The following ELF1 variants were observed in gnomAD, a reference collection of about 807,000 sequenced individuals.
ELF1 encodes the protein E74 like ETS transcription factor 1.
Under a neutral mutation model 59.9 loss-of-function variants are expected in ELF1, and 24 were observed. The observed-to-expected ratio is 0.40, with a 90% CI of 0.29 to 0.56. ELF1 has a LOEUF of 0.56. Among genes scored for constraint, ELF1 ranks in the 20% least tolerant of loss-of-function variants. ELF1 has a pLI of 0.44. For synonymous variants in ELF1, 248 were observed against 266.2 expected (o/e 0.93, Z 0.67); for missense variants, 627 against 742.2 (o/e 0.84, Z 1.80).
intron 1 of ELF1, among the ~76,000 whole-genome samples, chr13:41,053,408 CA>C (rs1178742544): frequency 6.6e-6 from 1 of 151,960 alleles, no homozygotes; most frequent in Non-Finnish European, 1.5e-5. Flanking sequence ...AGTACATTAC[CA>C]AAACGTAAGG....
intron 1 of ELF1, among the ~76,000 whole-genome samples, chr13:41,048,934 C>A (rs534796770): frequency 6.6e-6 from 1 of 152,224 alleles, no homozygotes; most frequent in Non-Finnish European, 1.5e-5. Context: ...TAATTCTGCC[C>A]CTATTATGCC....
chr13:41,047,108 T>G (rs531505723), intron 1 of ELF1, among the ~76,000 whole-genome samples: 1 of 152,368 alleles, frequency 6.6e-6, no homozygotes, highest in East Asian at 1.9e-4. Flanking sequence ...GTAGTTCTCC[T>G]GCCATGGTTT....
upstream of ELF1, among the ~76,000 whole-genome samples, chr13:41,022,872 CTG>C (rs1278231002): frequency 6.6e-6 from 1 of 152,132 alleles, no homozygotes; most frequent in African/African-American, 2.4e-5. Flanking sequence ...AAGCAAGACT[CTG>C]TGTCAGACCT....
At chr13:41,029,801 G>A (rs1403619324) in intron 1 of ELF1, among the ~76,000 whole-genome samples, 2 of 152,148 alleles carry the variant, frequency 1.3e-5, no homozygotes, top group East Asian at 3.8e-4. Flanking sequence ...TCTTGGAGCT[G>A]GGGCGCCCTC....
At chr13:40,980,687 T>C (rs971206021) in intron 2 of ELF1, among the ~76,000 whole-genome samples, 9 of 152,202 alleles carry the variant, frequency 5.9e-5, no homozygotes, top group African/African-American at 2.2e-4. Context: ...ACATCAAGCC[T>C]AGCATCTATA....
At chr13:41,041,843 G>T (rs1342569597) in intron 1 of ELF1, among the ~76,000 whole-genome samples, 2 of 152,146 alleles carry the variant, frequency 1.3e-5, no homozygotes, top group African/African-American at 4.8e-5. Context: ...CAGATGATCA[G>T]AAGTTAGTAT....
intron 3 of ELF1, 42 bp from the exon 4 acceptor site, chr13:40,951,478 A>T (rs755615050): frequency 1.3e-6 from 2 of 1,515,550 alleles, no homozygotes; most frequent in African/African-American, 2.7e-5. Context: ...ACTACGAGAC[A>T]TCTGTTACTC....
intron 1 of ELF1, among the ~76,000 whole-genome samples, chr13:40,987,584 C>CAA (rs374604821): frequency 0.031 from 2,118 of 67,992 alleles, 74 homozygotes; most frequent in East Asian, 0.11. Context: ...GACTCTGTCT[C>CAA]AAAAAAAAAA....
At chr13:41,000,237 CTTTTTTTTTTTTTTTTT>C (rs55938711) in intron 1 of ELF1, among the ~76,000 whole-genome samples, 1 of 54,752 alleles carries the variant, frequency 1.8e-5, no homozygotes, top group Non-Finnish European at 3.1e-5. Context: ...TTGAACCTGG[CTTTTTTTTTTTTTTTTT>C]TTTTTTTTTT....
chr13:41,008,648 T>C (rs1874882736), intron 1 of ELF1, among the ~76,000 whole-genome samples: 1 of 152,172 alleles, frequency 6.6e-6, no homozygotes. Flanking sequence ...AAAAAGTTCA[T>C]TCATAGGTTT....
chr13:40,961,638 C>A (rs1229026959), intron 2 of ELF1, among the ~76,000 whole-genome samples: 1 of 152,214 alleles, frequency 6.6e-6, no homozygotes, highest in African/African-American at 2.4e-5. Flanking sequence ...AAAAGTGTAG[C>A]TAGCCTTCCC....
chr13:41,010,761 T>A (rs1015365652), intron 1 of ELF1, among the ~76,000 whole-genome samples: 3 of 152,064 alleles, frequency 2.0e-5, no homozygotes, highest in Admixed American at 6.6e-5. Context: ...ATAATAAAAA[T>A]TTAAGAGACC....
chr13:40,943,848 C>T lies in ELF1; in HGVS notation c.607G>A (p.Gly203Arg), dbSNP rs1391024830. 2 of 1,612,962 alleles carry T rather than the reference C, an allele frequency of 1.2e-6. No individual in the cohort carries two copies. The highest frequency in any genetic ancestry group is 1.3e-5 in the African/African-American group (1 of 74,844). The change falls in exon 6 of 9, where the codon GGA (glycine) becomes AGA (arginine). Residue 203 changes from glycine (G) to arginine (R), a missense_variant. By Grantham distance (125) the Gly-to-Arg change is moderately radical (BLOSUM62 -2). Coordinates refer to ENST00000239882, the MANE Select transcript of ELF1 (RefSeq NM_172373.4). ...AAGTATTACACAGTAGTACCCTTTC[C>T]ATCTTTGTTTTTCTTCTTCACAGAT... is the stretch of plus-strand genomic sequence containing the variant. Reference protein sequence around the residue: ...NISVKKKNKDGKGNTIYLWEF... With the variant: ...NISVKKKNKDRKGNTIYLWEF...
chr13:40,981,741 A>G (rs1180967894), intron 2 of ELF1, among the ~76,000 whole-genome samples: 1 of 152,172 alleles, frequency 6.6e-6, no homozygotes, highest in African/African-American at 2.4e-5. Context: ...TTTACAAAAA[A>G]ACAAGCTGAA....
chr13:40,984,306 G>C (rs1248510465), intron 1 of ELF1, among the ~76,000 whole-genome samples: 1 of 152,204 alleles, frequency 6.6e-6, no homozygotes, highest in Non-Finnish European at 1.5e-5. Flanking sequence ...GCTTACACCT[G>C]TAACACCAGC....
chr13:40,970,300 G>A (rs1385338835), intron 2 of ELF1, among the ~76,000 whole-genome samples: 1 of 152,156 alleles, frequency 6.6e-6, no homozygotes, highest in African/African-American at 2.4e-5. Flanking sequence ...AGGTTACTTT[G>A]AACAGTAATT....
chr13:40,941,439 C>G, intron 7 of ELF1, 69 bp from the exon 8 acceptor site: 1 of 1,408,712 alleles, frequency 7.1e-7, no homozygotes, highest in Admixed American at 2.3e-5. Context: ...ATCAAATTTC[C>G]CTAATCATAA....
At chr13:41,056,564 C>T (rs1877294319) in intron 1 of ELF1, among the ~76,000 whole-genome samples, 1 of 152,292 alleles carries the variant, frequency 6.6e-6, no homozygotes, top group South Asian at 2.1e-4. Context: ...TTTTCCAAAG[C>T]AACTGCACCA....
chr13:41,042,600 T>C (rs1262246076), intron 1 of ELF1, among the ~76,000 whole-genome samples: 2 of 152,096 alleles, frequency 1.3e-5, no homozygotes, highest in African/African-American at 4.8e-5. Flanking sequence ...AGAATGATGG[T>C]TTCCAGCTTC....
Sources: allele counts gnomAD v4.1 joint callset (sites outside exome capture counted in the v4.1 genomes callset), GRCh38; gene constraint gnomAD v4.1.1; transcripts MANE v1.5; gene names NCBI Gene and HGNC (gene_info 2026-07-23, HGNC 2026-07-21).